KHDRBS3: variants seen among roughly 807,000 people sequenced by gnomAD.
KHDRBS3 encodes the protein KH RNA binding domain containing, signal transduction associated 3.
A neutral mutation model predicts 45.6 loss-of-function variants in KHDRBS3; 23 were observed. The ratio of observed to expected loss-of-function variants is 0.50; its 90% CI spans 0.36 to 0.72. The LOEUF is 0.72. KHDRBS3 is among the 30% of genes least tolerant of loss of function. The pLI, the probability that KHDRBS3 is intolerant of heterozygous loss-of-function variation, is 0.00. For synonymous variants in KHDRBS3, 162 were observed against 156.5 expected (o/e 1.04, Z -0.26); for missense variants, 352 against 424.8 (o/e 0.83, Z 1.51).
At chr8:135,621,169 C>T (rs1036852986) in intron 7 of KHDRBS3, among the ~76,000 whole-genome samples, 3 of 151,858 alleles carry the variant, frequency 2.0e-5, no homozygotes, top group Admixed American at 2.0e-4. Context: ...AAGAAAATCA[C>T]CTGTTATTTT....
At chr8:135,633,016 A>G (rs1830667329) in intron 7 of KHDRBS3, among the ~76,000 whole-genome samples, 1 of 144,472 alleles carries the variant, frequency 6.9e-6, no homozygotes, top group Non-Finnish European at 1.5e-5. Context: ...TAAAATAACA[A>G]TCTTAGTTCA....
At chr8:135,651,560 T>G (rs188659134), downstream of KHDRBS3, among the ~76,000 whole-genome samples, 299 of 152,216 alleles carry the variant, frequency 2.0e-3, 2 homozygotes, top group Non-Finnish European at 3.9e-3. Flanking sequence ...AAGCTCAAAT[T>G]CAGTGCAACC....
intron 2 of KHDRBS3, among the ~76,000 whole-genome samples, chr8:135,529,919 C>T (rs368406528): frequency 7.2e-5 from 11 of 151,826 alleles, no homozygotes; most frequent in African/African-American, 2.2e-4. Flanking sequence ...GGCGTGGTGG[C>T]GGGTGCCTGT....
chr8:135,591,722 T>G (rs1200686894), intron 6 of KHDRBS3, among the ~76,000 whole-genome samples: 1 of 152,216 alleles, frequency 6.6e-6, no homozygotes, highest in Non-Finnish European at 1.5e-5. Flanking sequence ...TGTTATTTAA[T>G]GTGGATTTTA....
At chr8:135,575,109 T>C (rs1421874629) in intron 5 of KHDRBS3, among the ~76,000 whole-genome samples, 1 of 152,174 alleles carries the variant, frequency 6.6e-6, no homozygotes, top group Non-Finnish European at 1.5e-5. Flanking sequence ...GTCTAGGATT[T>C]TAAAGAAAAA....
rs1478290754 is a variant in KHDRBS3, at chr8:135,521,253, A to G, written c.105A>G (p.Gln35=). The G allele has an allele frequency of 1.2e-6, 2 of 1,611,114 alleles. No individual in the cohort carries two copies. Among genetic ancestry groups the G allele is most frequent in the African/African-American group, 1.3e-5 (1 of 74,844 alleles). ...CCTCCACAGAAATAGAAAAGTTTCA[A>G]AAAGGAGAAGGCAAGGATGAAGAAA... ...RLVNQEIEKF[Q]KGEGKDEEKY... The change falls in exon 2 of 9, where the codon CAA becomes CAG. Residue 35 remains glutamine, a synonymous_variant. Transcript: ENST00000355849.
At chr8:135,561,843 C>T (rs933208839) in intron 5 of KHDRBS3, among the ~76,000 whole-genome samples, 8 of 151,706 alleles carry the variant, frequency 5.3e-5, no homozygotes, top group African/African-American at 1.9e-4. Flanking sequence ...TAATTGCATA[C>T]GAAAACAGCT....
Position 135,585,472 on chromosome 8 carries a change from C to A in KHDRBS3, c.807+3399C>A, listed in dbSNP as rs952735613. Among the ~76,000 whole-genome samples the A allele has an allele frequency of 2.0e-5, 3 of 152,040 alleles. No homozygotes were observed. The East Asian group carries it at 5.8e-4, about 30-fold the overall frequency. ...GGGTAGGCACTCTCCCCCTGCCTCC[C>A]CTTCCTCCCACCCACCACACTTCAC... On this transcript the variant is annotated intron_variant, in intron 6 of 8. Transcript: ENST00000355849.
intron 1 of KHDRBS3, among the ~76,000 whole-genome samples, chr8:135,515,148 C>G (rs868498559): frequency 3.8e-4 from 58 of 151,778 alleles, no homozygotes; most frequent in South Asian, 6.3e-4. Context: ...GGGCGGATCA[C>G]GAGGTCAGGA....
intron 6 of KHDRBS3, among the ~76,000 whole-genome samples, chr8:135,602,892 C>T (rs1401316488): frequency 1.3e-5 from 2 of 152,178 alleles, no homozygotes; most frequent in Non-Finnish European, 2.9e-5. Flanking sequence ...TCTCCTCTTC[C>T]ATTTGCACCA....
At chr8:135,621,718 A>T (rs1395551940) in intron 7 of KHDRBS3, among the ~76,000 whole-genome samples, 1 of 143,584 alleles carries the variant, frequency 7.0e-6, no homozygotes, top group African/African-American at 2.5e-5. Flanking sequence ...AAAAAAAAAA[A>T]CGTGCAGTGG....
rs112713026 is a variant in KHDRBS3 at position 135,466,956 on chromosome 8, G to A, written c.88+9002G>A. 4.4e-3 allele frequency among the ~76,000 whole-genome samples: 665 copies of A among 152,312 alleles called. 10 individuals carry two copies. The highest frequency in any genetic ancestry group is 0.015 in the African/African-American group (606 of 41,562). The stretch of plus-strand genomic sequence containing the variant: ...CAGGCAGGATGCCACCTCAGTGGTT[G>A]TCATACATTTTAAAATAACTAAAAG... On this transcript the variant is annotated intron_variant, in intron 1 of 8. Transcript: ENST00000355849.
At chr8:135,565,077 T>C (rs1045024107) in intron 5 of KHDRBS3, among the ~76,000 whole-genome samples, 22 of 152,174 alleles carry the variant, frequency 1.4e-4, no homozygotes, top group African/African-American at 5.3e-4. Flanking sequence ...TCGTGGATAA[T>C]CGCCTACCCG....
At chr8:135,640,164 G>A (rs570439325) in intron 7 of KHDRBS3, among the ~76,000 whole-genome samples, 3 of 152,190 alleles carry the variant, frequency 2.0e-5, no homozygotes, top group South Asian at 4.2e-4. Context: ...GAGGACAGAT[G>A]GGGGTATGCA....
chr8:135,533,464 T>G (rs1389276334), intron 2 of KHDRBS3, among the ~76,000 whole-genome samples: 1 of 152,114 alleles, frequency 6.6e-6, no homozygotes, highest in African/African-American at 2.4e-5. Flanking sequence ...AGAACAGGCT[T>G]ATGATTTTTA....
intron 5 of KHDRBS3, 62 bp from the exon 6 acceptor site, chr8:135,581,816 T>G (rs929775799): frequency 3.3e-6 from 4 of 1,220,566 alleles, no homozygotes. Flanking sequence ...TATAAATATA[T>G]GTGAATAACA....
At chr8:135,485,842 T>TTATATATATATATA (rs34886021) in intron 1 of KHDRBS3, among the ~76,000 whole-genome samples, 1,475 of 120,132 alleles carry the variant, frequency 0.012, 31 homozygotes, top group African/African-American at 0.026. Flanking sequence ...CATTTCAAGT[T>TTATATATATATATA]TATATATATA....
At chr8:135,483,645 G>A (rs1822699308) in intron 1 of KHDRBS3, among the ~76,000 whole-genome samples, 1 of 152,156 alleles carries the variant, frequency 6.6e-6, no homozygotes, top group Non-Finnish European at 1.5e-5. Flanking sequence ...TATGATAGAG[G>A]ATATTTGTGT....
At chr8:135,627,659 G>GA (rs961867180) in intron 7 of KHDRBS3, among the ~76,000 whole-genome samples, 2 of 151,554 alleles carry the variant, frequency 1.3e-5, no homozygotes, top group African/African-American at 2.4e-5. Flanking sequence ...TTATTTATCT[G>GA]AAAAAAAATA....
Sources: gnomAD v4.1 joint callset for allele counts (sites outside exome capture counted in the v4.1 genomes callset) on GRCh38, gnomAD v4.1.1 for gene constraint, MANE v1.5 for transcripts, NCBI Gene and HGNC (gene_info 2026-07-23, HGNC 2026-07-21) for gene names.